The following GAS2L2 variants were observed in gnomAD, a reference collection of about 807,000 sequenced individuals.
GAS2L2 encodes GAS2-like protein 2.
Under a neutral mutation model 35.2 loss-of-function variants are expected in GAS2L2, and 21 were observed. The ratio of observed to expected loss-of-function variants is 0.60; its 90% CI spans 0.42 to 0.86. The LOEUF (loss-of-function observed/expected upper bound fraction) is 0.86, where lower values mean the gene tolerates loss of function less well. Among genes scored for constraint, GAS2L2 ranks in the 40% least tolerant of loss-of-function variants. GAS2L2 has a pLI of 0.00. For synonymous variants in GAS2L2, 490 were observed against 473.2 expected (o/e 1.04, Z -0.46); for missense variants, 1,169 against 1,144.4 (o/e 1.02, Z -0.31).
In GAS2L2 at chr17:35,753,028, GCC is replaced by G. The variant is rs2085713962; in HGVS notation, c.-180_-179del. On this transcript the variant is annotated 5_prime_UTR_variant, in exon 1 of 6. An upstream open reading frame in the 5' UTR loses its in-frame stop. Transcript: ENST00000604641. ...CCACTGGCTTCAGCTGCCAGGCCTG[GCC>G]CAGCCCCTGCCCCCCCACATTCCTC... is the stretch of plus-strand genomic sequence containing the variant. 6.0e-6 allele frequency: 4 copies of G among 662,366 alleles called. No individual in the cohort carries two copies. Among genetic ancestry groups the G allele is most frequent in the Non-Finnish European group, 1.0e-5 (4 of 398,652 alleles). The allele number at this position is 662,366 out of a possible 1,614,324, so 41.0% of individuals were successfully genotyped here.
chr17:35,748,450 G>C (rs1555599329), intron 3 of GAS2L2, among the ~76,000 whole-genome samples: 1 of 152,252 alleles, frequency 6.6e-6, no homozygotes, highest in African/African-American at 2.4e-5. Context: ...AGGGCCCAGA[G>C]AGCTGGCTCT....
At chr17:35,747,290 A>G in intron 4 of GAS2L2, 22 bp from the exon 5 acceptor site, 1 of 1,593,168 alleles carries the variant, frequency 6.3e-7, no homozygotes, top group Non-Finnish European at 8.6e-7. Flanking sequence ...CCCCCGGAGA[A>G]AGGAGAGGAG....
chr17:35,747,603 A>C (rs1452309081), intron 4 of GAS2L2, among the ~76,000 whole-genome samples: 1 of 152,086 alleles, frequency 6.6e-6, no homozygotes, highest in Non-Finnish European at 1.5e-5. Flanking sequence ...GCCAGACCTA[A>C]GCTCTGCTAA....
rs782446227 is a variant in GAS2L2, at chr17:35,744,974, TTCC to T, written c.2520_2522del (p.Glu841del). ...CGGCTGGCTCTTTCTCCTCCTTTCC[TTCC>T]TCCTCCTCCTCACCTACTGAAGCTC... is the stretch of plus-strand genomic sequence containing the variant. On this transcript the variant is annotated inframe_deletion, in exon 6 of 6. Transcript: ENST00000604641. 7.4e-6 allele frequency: 12 copies of T among 1,613,066 alleles called. No homozygotes were observed. Among genetic ancestry groups the T allele is most frequent in the East Asian group, 2.2e-5 (1 of 44,886 alleles).
rs375274917 is a variant in GAS2L2 at position 35,747,280 on chromosome 17, C to T, written c.833-12G>A. On this transcript the variant is annotated splice_polypyrimidine_tract_variant and intron_variant, in intron 4 of 5. Transcript: ENST00000604641. ...GCCTGGCTTGTGTGCTACCAACAGT[C>T]CCCCGGAGAAAGGAGAGGAGAGAAG... 2 of 1,599,094 alleles carry T rather than the reference C, an allele frequency of 1.3e-6. No homozygotes were observed. The highest frequency in any genetic ancestry group is 1.3e-5 in the African/African-American group (1 of 74,618).
chr17:35,748,303 C>T (rs1436470487), intron 3 of GAS2L2, among the ~76,000 whole-genome samples: 2 of 152,224 alleles, frequency 1.3e-5, no homozygotes, highest in East Asian at 1.9e-4. Context: ...GTGTGGAGAG[C>T]CCATGGGAGT....
In GAS2L2 at chr17:35,752,682, G is replaced by T. The variant is rs782504367; in HGVS notation, c.169C>A (p.Gln57Lys). Reference sequence around the variant, plus strand: ...AGCACCAGGCCCGTTTCCAGCACCTGCAGGAAGTTGGCTGCGTCGATGTCC... The same window carrying T: ...AGCACCAGGCCCGTTTCCAGCACCTTCAGGAAGTTGGCTGCGTCGATGTCC... Reference protein sequence around the residue: ...GLDIDAANFLQVLETGLVLCQ... With the variant: ...GLDIDAANFLKVLETGLVLCQ... The change falls in exon 1 of 6, where the codon CAG (glutamine) becomes AAG (lysine). Residue 57 changes from glutamine to lysine, a missense_variant. Physicochemically the swap from Gln to Lys is moderately conservative, Grantham distance 53. Around this residue, in one of 3 missense-constraint regions of GAS2L2, gnomAD observed 127 missense variants for 146.1 expected, o/e 0.87. Transcript: ENST00000604641. 6.2e-7 allele frequency: 1 copy of T among 1,614,120 alleles called. No individual in the cohort carries two copies.
Position 35,747,963 on chromosome 17 carries a change from A to G in GAS2L2, c.736-18T>C. On this transcript the variant is annotated intron_variant, in intron 3 of 5. Transcript: ENST00000604641. ...CGGAGGATCTGAGGGGGCAAGGGTG[A>G]GGTTAAGGGCGGGGTGGAGGGCAGC... 1 of 1,604,032 alleles carries G rather than the reference A, an allele frequency of 6.2e-7. No homozygotes were observed. The highest frequency in any genetic ancestry group is 8.5e-7 in the Non-Finnish European group (1 of 1,172,048).
In GAS2L2 at chr17:35,746,158, T is replaced by C; in HGVS notation, c.1339A>G (p.Thr447Ala). Residue 447 changes from threonine to alanine, a missense_variant, in exon 6 of 6, where the codon ACC (threonine) becomes GCC (alanine). Physicochemically the swap from Thr to Ala is moderately conservative, Grantham distance 58. Coordinates refer to ENST00000604641, the MANE Select transcript of GAS2L2 (RefSeq NM_139285.4). ...GGTCCTCTTGCTGATATCCCTTTGG[T>C]GGTGGCCTCAATGGCTCGGAGTCTT... ...PQRLRAIEATTKGISARGPSP... is the reference protein window; with the variant it reads ...PQRLRAIEATAKGISARGPSP... 6.7e-7 allele frequency: 1 copy of C among 1,501,470 alleles called. No individual in the cohort carries two copies. Among genetic ancestry groups the C allele is most frequent in the Non-Finnish European group, 8.9e-7 (1 of 1,124,966 alleles). The allele number at this position is 1,501,470 out of a possible 1,614,324, so 93.0% of individuals were successfully genotyped here.
At chr17:35,747,618 C>T (rs2143021791) in intron 4 of GAS2L2, among the ~76,000 whole-genome samples, 1 of 152,278 alleles carries the variant, frequency 6.6e-6, no homozygotes, top group Admixed American at 6.5e-5. Context: ...TGCTAAAATG[C>T]ACCGTGGCCA....
Position 35,749,146 on chromosome 17 carries a change from G to T in GAS2L2, c.699C>A (p.Tyr233Ter), listed in dbSNP as rs1555599405. The stretch of plus-strand genomic sequence containing the variant: ...TGAGGGTGTTGGAGTCACCCACACG[G>T]TACTTCCCCTCAGACACTTTGACCA... ...FSMVKVSEGKYRVGDSNTLIF... is the reference protein window; with the variant it reads ...FSMVKVSEGK Residue 233 changes from tyrosine to a stop codon, truncating the protein, a stop_gained, in exon 3 of 6, where the codon TAC (tyrosine) becomes TAA (stop). Coordinates refer to ENST00000604641, the MANE Select transcript of GAS2L2 (RefSeq NM_139285.4). LOFTEE classifies it high-confidence loss of function. 1 of 1,613,972 alleles carries T rather than the reference G, an allele frequency of 6.2e-7. No individual in the cohort carries two copies.
At position 35,745,591 on chromosome 17, in the gene GAS2L2, A is replaced by AG; in HGVS notation, c.1905dup (p.Tyr636LeufsTer11). The AG allele has an allele frequency of 6.2e-7, 1 of 1,613,914 alleles. No homozygotes were observed. Among genetic ancestry groups the AG allele is most frequent in the Non-Finnish European group, 8.5e-7 (1 of 1,180,012 alleles). ...CACTGCCCAGCCAGCCTGGGGATGTAGACCCCACTGCGAGGGATGACCCCA... is the reference window on the plus strand; with the variant it reads ...CACTGCCCAGCCAGCCTGGGGATGTAGGACCCCACTGCGAGGGATGACCCCA... On this transcript the variant is annotated frameshift_variant, in exon 6 of 6. Transcript: ENST00000604641. LOFTEE classifies it low-confidence loss of function (END_TRUNC).
At position 35,747,953 on chromosome 17, in the gene GAS2L2, G is replaced by C; in HGVS notation, c.736-8C>G. On this transcript the variant is annotated splice_polypyrimidine_tract_variant and splice_region_variant and intron_variant, in intron 3 of 5. Transcript: ENST00000604641. Reference sequence around the variant, plus strand: ...CACATGGTTCCGGAGGATCTGAGGGGGCAAGGGTGAGGTTAAGGGCGGGGT... The same window carrying C: ...CACATGGTTCCGGAGGATCTGAGGGCGCAAGGGTGAGGTTAAGGGCGGGGT... 6.2e-7 allele frequency: 1 copy of C among 1,611,492 alleles called. No individual in the cohort carries two copies. Among genetic ancestry groups the C allele is most frequent in the Non-Finnish European group, 8.5e-7 (1 of 1,178,188 alleles).
At chr17:35,751,777 A>C (rs1598396886) in intron 1 of GAS2L2, among the ~76,000 whole-genome samples, 1 of 137,908 alleles carries the variant, frequency 7.3e-6, no homozygotes, top group Non-Finnish European at 1.5e-5. Flanking sequence ...CCAGCATTAC[A>C]CCTCTAGGTC....
chr17:35,750,919 G>A (rs2143022738), intron 1 of GAS2L2, among the ~76,000 whole-genome samples: 1 of 152,310 alleles, frequency 6.6e-6, no homozygotes, highest in South Asian at 2.1e-4. Context: ...GGGTTGTTGT[G>A]AAGATTGGAT....
At chr17:35,746,853 C>A (rs748277090) in intron 5 of GAS2L2, among the ~76,000 whole-genome samples, 163 bp downstream of exon 5, 5 of 152,222 alleles carry the variant, frequency 3.3e-5, no homozygotes, top group Non-Finnish European at 7.3e-5. Flanking sequence ...TATGAAGTAA[C>A]CACATTATCC....
rs1323850503 is a variant in GAS2L2 at position 35,745,283 on chromosome 17, G to A, written c.2214C>T (p.Ala738=). ...TGGGGTCCAAGGGCGAAGGTGTGGG[G>A]GCCTCCGGGCTGGCAGACACAGTAG... is the stretch of plus-strand genomic sequence containing the variant. ...SASTVSASPE[A]PTPSPLDPNS... Residue 738 remains alanine, a synonymous_variant, in exon 6 of 6, where the codon GCC becomes GCT. Coordinates refer to ENST00000604641, the MANE Select transcript of GAS2L2 (RefSeq NM_139285.4). 5 of 1,611,510 alleles carry A rather than the reference G, an allele frequency of 3.1e-6. No homozygotes were observed. The highest frequency in any genetic ancestry group is 2.7e-5 in the African/African-American group (2 of 74,874).
At position 35,745,740 on chromosome 17, in the gene GAS2L2, C is replaced by T. The variant is rs1353957409; in HGVS notation, c.1757G>A (p.Arg586Gln). The T allele has an allele frequency of 3.2e-5, 52 of 1,613,698 alleles. No homozygotes were observed. Among genetic ancestry groups the T allele is most frequent in the Non-Finnish European group, 4.0e-5 (47 of 1,180,048 alleles). Residue 586 changes from arginine to glutamine, a missense_variant, in exon 6 of 6, where the codon CGG becomes CAG. Physicochemically the swap from Arg to Gln is conservative, Grantham distance 43 (BLOSUM62 1). Coordinates refer to ENST00000604641, the MANE Select transcript of GAS2L2 (RefSeq NM_139285.4). The part of the protein sequence containing the change: ...WDLGLQEQEG[R>Q]YTPLPLGGNK... The stretch of plus-strand genomic sequence containing the variant: ...CCCGCCCAAGGGCAGAGGTGTGTAC[C>T]GCCCCTCCTGCTCCTGTAGGCCCAG...
chr17:35,745,691 A>T lies in GAS2L2; in HGVS notation c.1806T>A (p.Cys602Ter), dbSNP rs2085661338. 9 of 1,613,850 alleles carry T rather than the reference A, an allele frequency of 5.6e-6. No individual in the cohort carries two copies. Among genetic ancestry groups the T allele is most frequent in the Non-Finnish European group, 7.6e-6 (9 of 1,180,034 alleles). ...LGGNKEQAIYCSLEEEILGNM... is the reference protein window; with the variant it reads ...LGGNKEQAIY The stretch of plus-strand genomic sequence containing the variant: ...TGCCCAAAATCTCCTCTTCAAGGCT[A>T]CAGTAGATGGCTTGCTCCTTGTTCC... The change falls in exon 6 of 6, where the codon TGT becomes TGA. Residue 602 changes from cysteine to a stop codon, truncating the protein, a stop_gained. Transcript: ENST00000604641. LOFTEE classifies it low-confidence loss of function (END_TRUNC).
Sources: gnomAD v4.1 joint callset for allele counts (sites outside exome capture counted in the v4.1 genomes callset) on GRCh38, gnomAD v4.1.1 for gene constraint, gnomAD v4.1.1 regional missense constraint, MANE v1.5 for transcripts, NCBI Gene and HGNC (gene_info 2026-07-23, HGNC 2026-07-21) for gene names.